Variants in DSCAM observed in about 807,000 individuals in gnomAD.
The protein encoded by DSCAM is cell adhesion molecule DSCAM.
In DSCAM, 47 loss-of-function variants were observed where a neutral mutation model predicts 217.7. The ratio of observed to expected loss-of-function variants is 0.22; its 90% CI spans 0.17 to 0.28. The LOEUF (loss-of-function observed/expected upper bound fraction) is 0.28, where lower values mean the gene tolerates loss of function less well. DSCAM is among the 10% of genes least tolerant of loss of function. The pLI is 1.00. For missense variants in DSCAM, 2,080 were observed against 2,618.3 expected (o/e 0.79, Z 4.49); for synonymous variants, 1,056 against 1,015.3 (o/e 1.04, Z -0.76).
chr21:40,595,763 T>C (rs2077016978), intron 3 of DSCAM, among the ~76,000 whole-genome samples: 1 of 152,234 alleles, frequency 6.6e-6, no homozygotes, highest in African/African-American at 2.4e-5. Flanking sequence ...TGAGAATCCA[T>C]TTTTAAAAGA....
intron 3 of DSCAM, among the ~76,000 whole-genome samples, chr21:40,548,511 A>ATATAT (rs59485695): frequency 0.064 from 8,542 of 132,744 alleles, 318 homozygotes; most frequent in East Asian, 0.12. Context: ...AGTAAAAAAA[A>ATATAT]AAATATATAT....
chr21:40,058,870 T>C (rs2146512132), intron 28 of DSCAM, among the ~76,000 whole-genome samples: 1 of 152,310 alleles, frequency 6.6e-6, no homozygotes, highest in South Asian at 2.1e-4. Context: ...GAAGCAAAAA[T>C]TGCATCTTTT....
chr21:40,807,067 T>A (rs1601290347), intron 1 of DSCAM, among the ~76,000 whole-genome samples: 1 of 151,980 alleles, frequency 6.6e-6, no homozygotes, highest in East Asian at 1.9e-4. Context: ...ATGTAACAAA[T>A]CTGCACGTTC....
At position 40,044,293 on chromosome 21, in the gene DSCAM, TCATGTCTG is replaced by T. The variant is rs1181361250; in HGVS notation, c.5186-26_5186-19del. ...GGTGGGATCTGTGAAGAGCCAAGAATCATGTCTGCCTTTGTCTGCAGGAGTGTGGTCAG... is the reference window on the plus strand; with the variant it reads ...GGTGGGATCTGTGAAGAGCCAAGAATCCTTTGTCTGCAGGAGTGTGGTCAG... On this transcript the variant is annotated intron_variant, in intron 30 of 32. Coordinates refer to ENST00000400454, the MANE Select transcript of DSCAM (RefSeq NM_001389.5). The T allele has an allele frequency of 3.1e-6, 5 of 1,608,604 alleles. No homozygotes were observed. The Admixed American group carries it at 6.7e-5, about 22-fold the overall frequency.
At chr21:40,262,101 T>C (rs1171354223) in intron 11 of DSCAM, among the ~76,000 whole-genome samples, 2 of 152,100 alleles carry the variant, frequency 1.3e-5, no homozygotes, top group Non-Finnish European at 2.9e-5. Flanking sequence ...GTAATGTGAG[T>C]GCACAGTGAG....
intron 1 of DSCAM, among the ~76,000 whole-genome samples, chr21:40,770,069 TTTTC>T (rs2091431316): frequency 6.6e-6 from 1 of 152,200 alleles, no homozygotes; most frequent in African/African-American, 2.4e-5. Flanking sequence ...GGTCATTTTT[TTTTC>T]TTTAACAATA....
chr21:40,011,600 T>A lies in DSCAM; in HGVS notation c.*1434A>T, dbSNP rs2033283243. 1.5e-5 allele frequency: 2 copies of A among 133,042 alleles called. No homozygotes were observed. The allele number at this position is 133,042 out of a possible 1,614,324, so 8.2% of individuals were successfully genotyped here. On this transcript the variant is annotated 3_prime_UTR_variant, in exon 33 of 33. Coordinates refer to ENST00000400454, the MANE Select transcript of DSCAM (RefSeq NM_001389.5). ...TGGAGTGTTGCAGCCAGGGGAGGATTACATCCTCTTTCATAAAGCAAACCC... is the reference window on the plus strand; with the variant it reads ...TGGAGTGTTGCAGCCAGGGGAGGATAACATCCTCTTTCATAAAGCAAACCC...
At chr21:40,609,098 G>A (rs768580595) in intron 3 of DSCAM, among the ~76,000 whole-genome samples, 4 of 152,110 alleles carry the variant, frequency 2.6e-5, no homozygotes, top group Non-Finnish European at 5.9e-5. Context: ...TGGACTGCAG[G>A]TATGTGACAC....
At chr21:40,030,248 C>T (rs2088494651) in intron 32 of DSCAM, among the ~76,000 whole-genome samples, 2 of 152,160 alleles carry the variant, frequency 1.3e-5, no homozygotes, top group South Asian at 4.1e-4. Context: ...TGAGTGGACA[C>T]TAAATGACTG....
At chr21:40,309,610 C>A (rs1483594868) in intron 9 of DSCAM, among the ~76,000 whole-genome samples, 1 of 152,150 alleles carries the variant, frequency 6.6e-6, no homozygotes. Context: ...CGTTCTTCCT[C>A]ATTTCTTCTC....
intron 3 of DSCAM, among the ~76,000 whole-genome samples, chr21:40,442,827 A>C (rs1346379146): frequency 6.6e-6 from 1 of 152,108 alleles, no homozygotes; most frequent in African/African-American, 2.4e-5. Context: ...TTTTTTATTA[A>C]TGTTTAGACT....
intron 3 of DSCAM, among the ~76,000 whole-genome samples, chr21:40,408,235 T>C (rs925071073): frequency 3.3e-5 from 5 of 152,124 alleles, no homozygotes; most frequent in African/African-American, 1.2e-4. Context: ...ACAATTTTCA[T>C]TGATGACGTG....
chr21:40,037,498 T>C (rs1166667770), intron 32 of DSCAM, among the ~76,000 whole-genome samples: 1 of 143,074 alleles, frequency 7.0e-6, no homozygotes, highest in African/African-American at 2.8e-5. Context: ...TACAAACCAC[T>C]GCTCAACGAA....
intron 11 of DSCAM, among the ~76,000 whole-genome samples, chr21:40,245,515 C>T (rs2073211818): frequency 6.6e-6 from 1 of 152,204 alleles, no homozygotes; most frequent in African/African-American, 2.4e-5. Context: ...CCTCCACCTG[C>T]ACCTCTCCCT....
At chr21:40,067,059 A>G (rs903861383) in intron 27 of DSCAM, among the ~76,000 whole-genome samples, 1 of 152,202 alleles carries the variant, frequency 6.6e-6, no homozygotes, top group African/African-American at 2.4e-5. Context: ...CCTACCAAAC[A>G]TCAGGGCTTA....
At chr21:40,335,188 A>T (rs567028181) in intron 8 of DSCAM, among the ~76,000 whole-genome samples, 140 of 152,198 alleles carry the variant, frequency 9.2e-4, no homozygotes, top group Non-Finnish European at 1.8e-3. Flanking sequence ...TATTCTGAAA[A>T]ATTTGGCAAG....
chr21:40,306,868 A>C (rs956000151), intron 9 of DSCAM, among the ~76,000 whole-genome samples: 9 of 151,980 alleles, frequency 5.9e-5, no homozygotes, highest in African/African-American at 2.2e-4. Context: ...GGATTTTTGC[A>C]TCAATGTTCA....
intron 11 of DSCAM, among the ~76,000 whole-genome samples, chr21:40,249,859 T>C (rs1304914339): frequency 6.6e-6 from 1 of 152,180 alleles, no homozygotes; most frequent in East Asian, 1.9e-4. Context: ...GAGTTAGGTG[T>C]GTAGCCCCAG....
chr21:40,115,115 G>A (rs969957220), intron 20 of DSCAM, among the ~76,000 whole-genome samples: 7 of 152,226 alleles, frequency 4.6e-5, no homozygotes, highest in East Asian at 3.9e-4. Flanking sequence ...ACATGCACAC[G>A]TATGTTTACT....
Sources: allele counts gnomAD v4.1 joint callset (sites outside exome capture counted in the v4.1 genomes callset), GRCh38; gene constraint gnomAD v4.1.1; transcripts MANE v1.5; gene names NCBI Gene and HGNC (gene_info 2026-07-23, HGNC 2026-07-21).